TOP2B: variants seen among roughly 807,000 people sequenced by gnomAD.
TOP2B encodes DNA topoisomerase II beta.
A neutral mutation model predicts 193.5 loss-of-function variants in TOP2B; 51 were observed. The observed-to-expected ratio is 0.26, with a 90% CI of 0.21 to 0.33. The LOEUF (loss-of-function observed/expected upper bound fraction) is 0.33, where lower values mean the gene tolerates loss of function less well. Among genes scored for constraint, TOP2B ranks in the 10% least tolerant of loss-of-function variants. TOP2B has a pLI of 1.00. For synonymous variants in TOP2B, 634 were observed against 635.7 expected (o/e 1.00, Z 0.04); for missense variants, 1,378 against 1,909.3 (o/e 0.72, Z 5.19).
intron 35 of TOP2B, among the ~76,000 whole-genome samples, chr3:25,599,102 A>G (rs1702016613): frequency 6.6e-6 from 1 of 152,216 alleles, no homozygotes; most frequent in African/African-American, 2.4e-5. Flanking sequence ...AGCCCTGGTC[A>G]AATAAATCCA....
Position 25,598,464 on chromosome 3 carries a change from GTCT to G in TOP2B, c.4721_4723del (p.Lys1574del), listed in dbSNP as rs1436058639. ...CACATCTGAATCCTGATCAAAAGAT[GTCT>G]TCTTCGGTTTCTAGATTTTTTTTCA... On this transcript the variant is annotated inframe_deletion, in exon 36 of 36. Transcript: ENST00000264331. The G allele has an allele frequency of 4.4e-6, 7 of 1,578,668 alleles. No individual in the cohort carries two copies. Among genetic ancestry groups the G allele is most frequent in the South Asian group, 2.4e-5 (2 of 84,504 alleles).
chr3:25,664,491 G>A lies in TOP2B; in HGVS notation c.-194C>T, dbSNP rs569578648. The A allele has an allele frequency of 1.7e-4, 197 of 1,192,324 alleles. No homozygotes were observed. In the African/African-American group the frequency reaches 3.0e-3, roughly 18 times the overall value. 73.9% of individuals were successfully genotyped at this position (1,192,324 alleles called of 1,614,324 possible). On this transcript the variant is annotated 5_prime_UTR_variant, in exon 1 of 36. Coordinates refer to ENST00000264331, the MANE Select transcript of TOP2B (RefSeq NM_001330700.2). ...CGCTGAGGAGGCCGCGCCGCCGGCT[G>A]CCCTCAAACTCGAGGCGCGGCGTCC...
At position 25,645,336 on chromosome 3, in the gene TOP2B, A is replaced by C; in HGVS notation, c.204T>G (p.Pro68=). 3 of 1,610,476 alleles carry C rather than the reference A, an allele frequency of 1.9e-6. No homozygotes were observed. The highest frequency in any genetic ancestry group is 2.5e-6 in the Non-Finnish European group (3 of 1,178,078). The change falls in exon 2 of 36, where the codon CCT becomes CCG. Residue 68 remains proline, a synonymous_variant. Coordinates refer to ENST00000264331, the MANE Select transcript of TOP2B (RefSeq NM_001330700.2). Reference sequence around the variant, plus strand: ...GCTCCACTGACCCAATATATGTATCAGGACGAAGAAGAATGTGTTCAAGTT... The same window carrying C: ...GCTCCACTGACCCAATATATGTATCCGGACGAAGAAGAATGTGTTCAAGTT... The part of the protein sequence containing the change: ...KTQLEHILLR[P]DTYIGSVEPL...
Position 25,598,295 on chromosome 3 carries a change from C to T in TOP2B, c.*12G>A. ...AGATATTTGTTGAAAAATGTTTGTGCTCTTTGGGCACTTAATTAAACATTG... is the reference window on the plus strand; with the variant it reads ...AGATATTTGTTGAAAAATGTTTGTGTTCTTTGGGCACTTAATTAAACATTG... On this transcript the variant is annotated 3_prime_UTR_variant, in exon 36 of 36. Transcript: ENST00000264331. 3 of 1,589,970 alleles carry T rather than the reference C, an allele frequency of 1.9e-6. No individual in the cohort carries two copies. The highest frequency in any genetic ancestry group is 2.6e-6 in the Non-Finnish European group (3 of 1,165,258).
intron 1 of TOP2B, among the ~76,000 whole-genome samples, chr3:25,652,649 G>C (rs962028735): frequency 2.6e-5 from 4 of 152,020 alleles, no homozygotes; most frequent in African/African-American, 9.7e-5. Flanking sequence ...ACACAATAGA[G>C]CAATATTTAT....
chr3:25,610,626 C>CA (rs1702346400), intron 28 of TOP2B, among the ~76,000 whole-genome samples: 1 of 152,156 alleles, frequency 6.6e-6, no homozygotes, highest in Admixed American at 6.5e-5. Context: ...GGAGAAGAAA[C>CA]ACACAGAGGC....
At chr3:25,645,754 AGTTT>A (rs1229649999) in intron 1 of TOP2B, among the ~76,000 whole-genome samples, 8 of 151,732 alleles carry the variant, frequency 5.3e-5, no homozygotes, top group African/African-American at 1.5e-4. Context: ...TAAGATATCA[AGTTT>A]GTTTGTTTGT....
At position 25,615,474 on chromosome 3, in the gene TOP2B, G is replaced by A; in HGVS notation, c.3464C>T (p.Thr1155Ile). The A allele has an allele frequency of 6.4e-7, 1 of 1,568,790 alleles. No individual in the cohort carries two copies. Among genetic ancestry groups the A allele is most frequent in the Non-Finnish European group, 8.6e-7 (1 of 1,159,506 alleles). Residue 1155 changes from threonine to isoleucine, a missense_variant, in exon 26 of 36, where the codon ACT (threonine) becomes ATT (isoleucine). By Grantham distance (89) the Thr-to-Ile change is moderately conservative. Coordinates refer to ENST00000264331, the MANE Select transcript of TOP2B (RefSeq NM_001330700.2). ...AATCAGTTCTTCAACTTTTTCTTTA[G>A]TAAGAGACCACAGAGACATATTTAA... Reference protein sequence around the residue: ...YILNMSLWSLTKEKVEELIKQ... With the variant: ...YILNMSLWSLIKEKVEELIKQ...
At chr3:25,625,230 C>T (rs774600641) in intron 18 of TOP2B, among the ~76,000 whole-genome samples, 4 of 152,022 alleles carry the variant, frequency 2.6e-5, no homozygotes, top group Non-Finnish European at 4.4e-5. Flanking sequence ...TTATAAAAAG[C>T]GATTTATTGT....
At chr3:25,652,552 TAAAC>T (rs1276911578) in intron 1 of TOP2B, among the ~76,000 whole-genome samples, 1 of 152,186 alleles carries the variant, frequency 6.6e-6, no homozygotes, top group East Asian at 1.9e-4. Context: ...AAGTGGAAGT[TAAAC>T]AACTCACTCT....
rs530123021 is a variant in TOP2B at position 25,632,865 on chromosome 3, A to G, written c.1027-71T>C. 3.2e-6 allele frequency: 4 copies of G among 1,236,024 alleles called. No individual in the cohort carries two copies. The South Asian group carries it at 4.0e-5, about 12-fold the overall frequency. 76.6% of individuals were successfully genotyped at this position (1,236,024 alleles called of 1,614,324 possible). A position where few individuals can be genotyped will look rare whatever the true frequency, so the allele number is the denominator to read the frequency against. ...AGTAGCAAAATACTTTATCTGTATT[A>G]TAAACCCTATTTTCTAAAAGAGTAA... On this transcript the variant is annotated intron_variant, in intron 8 of 35. Transcript: ENST00000264331.
At chr3:25,654,186 TTATAG>T in intron 1 of TOP2B, among the ~76,000 whole-genome samples, 1 of 152,284 alleles carries the variant, frequency 6.6e-6, no homozygotes, top group Admixed American at 6.5e-5. Flanking sequence ...TGGCATAATC[TTATAG>T]TAGATAACCC....
chr3:25,655,648 T>A (rs113821774), intron 1 of TOP2B, among the ~76,000 whole-genome samples: 84 of 152,326 alleles, frequency 5.5e-4, no homozygotes, highest in African/African-American at 1.9e-3. Context: ...CACTGGTGTA[T>A]GAATGGATTT....
intron 32 of TOP2B, 45 bp from the exon 33 acceptor site, chr3:25,604,915 A>T (rs374330944): frequency 6.4e-6 from 9 of 1,416,256 alleles, no homozygotes; most frequent in African/African-American, 5.7e-5. Context: ...TGTTATAAAG[A>T]TCTCTCAGTA....
chr3:25,628,727 A>C (rs1702875465), intron 15 of TOP2B, 120 bp downstream of exon 15: 3 of 602,994 alleles, frequency 5.0e-6, no homozygotes, highest in South Asian at 5.1e-5. Context: ...AATACTTTAA[A>C]ATCAGTGATA....
intron 27 of TOP2B, 36 bp downstream of exon 27, chr3:25,615,169 C>T (rs1405100168): frequency 6.4e-7 from 1 of 1,559,204 alleles, no homozygotes; most frequent in Admixed American, 1.9e-5. Flanking sequence ...ATAAACATGA[C>T]TTTTCCAAAT....
chr3:25,602,418 A>C (rs201457956), intron 33 of TOP2B, among the ~76,000 whole-genome samples: 2 of 105,040 alleles, frequency 1.9e-5, no homozygotes, highest in Non-Finnish European at 3.7e-5. Context: ...AAGAAAAAGA[A>C]AAAAAAAAAA....
chr3:25,599,645 C>A, intron 34 of TOP2B, 116 bp from the exon 35 acceptor site: 2 of 917,152 alleles, frequency 2.2e-6, no homozygotes, highest in Non-Finnish European at 3.3e-6. Flanking sequence ...CATTGCAGTC[C>A]TGATCTCTTA....
intron 1 of TOP2B, among the ~76,000 whole-genome samples, chr3:25,663,312 G>A (rs79629157): frequency 0.018 from 2,777 of 152,198 alleles, 96 homozygotes; most frequent in African/African-American, 0.065. Context: ...AGGGACGGGG[G>A]AACAGACCGT....
Sources: allele counts gnomAD v4.1 joint callset (sites outside exome capture counted in the v4.1 genomes callset), GRCh38; gene constraint gnomAD v4.1.1; transcripts MANE v1.5; gene names NCBI Gene and HGNC (gene_info 2026-07-23, HGNC 2026-07-21).